The following SNX8 variants were observed in gnomAD, a reference collection of about 807,000 sequenced individuals.
The protein encoded by SNX8 is sorting nexin 8.
In SNX8, 25 loss-of-function variants were observed where a neutral mutation model predicts 51.6. The ratio of observed to expected loss-of-function variants is 0.48; its 90% confidence interval spans 0.35 to 0.68. SNX8 has a LOEUF of 0.68. SNX8 is among the 30% of genes least tolerant of loss of function. SNX8 has a pLI of 0.00. For missense variants in SNX8, 695 were observed against 624.0 expected (o/e 1.11, Z -1.21); for synonymous variants, 324 against 277.0 (o/e 1.17, Z -1.68).
At chr7:2,274,101 G>A (rs564604655) in intron 3 of SNX8, among the ~76,000 whole-genome samples, 4 of 152,324 alleles carry the variant, frequency 2.6e-5, no homozygotes, top group African/African-American at 7.2e-5. Flanking sequence ...GCCCAGGCCT[G>A]AGCCAGCATC....
At chr7:2,349,931 G>A (rs1341377732) in intron 1 of SNX8, among the ~76,000 whole-genome samples, 1 of 152,040 alleles carries the variant, frequency 6.6e-6, no homozygotes, top group East Asian at 1.9e-4. Context: ...CAGAGTCTCA[G>A]TCCTCTCCAG....
At chr7:2,311,068 T>A (rs55965608) in intron 1 of SNX8, among the ~76,000 whole-genome samples, 2,372 of 152,310 alleles carry the variant, frequency 0.016, 55 homozygotes, top group African/African-American at 0.054. Flanking sequence ...TAAGTTTTTA[T>A]AAAGAGGGTT....
chr7:2,345,699 G>A (rs984145249), intron 1 of SNX8, among the ~76,000 whole-genome samples: 2 of 151,740 alleles, frequency 1.3e-5, no homozygotes, highest in Non-Finnish European at 2.9e-5. Flanking sequence ...AAAAGAAGAA[G>A]AAATGTGAAT....
intron 1 of SNX8, among the ~76,000 whole-genome samples, chr7:2,296,966 T>G (rs775452700): frequency 6.6e-6 from 1 of 151,652 alleles, no homozygotes; most frequent in Non-Finnish European, 1.5e-5. Flanking sequence ...GGCCAAAAAA[T>G]ATATGCAAAA....
chr7:2,284,538 G>A (rs1042744491), intron 1 of SNX8, among the ~76,000 whole-genome samples: 1 of 151,134 alleles, frequency 6.6e-6, no homozygotes, highest in Non-Finnish European at 1.5e-5. Context: ...CTGAGTAGCA[G>A]GGACTACAGG....
chr7:2,300,991 T>G (rs932621368), intron 1 of SNX8, among the ~76,000 whole-genome samples: 6 of 152,128 alleles, frequency 3.9e-5, no homozygotes, highest in African/African-American at 1.2e-4. Flanking sequence ...GTAACCATTC[T>G]CCCACAAAAT....
At chr7:2,322,423 C>T (rs546028982) in intron 1 of SNX8, among the ~76,000 whole-genome samples, 12 of 151,860 alleles carry the variant, frequency 7.9e-5, no homozygotes, top group South Asian at 4.2e-4. Flanking sequence ...GGCTGGGCGC[C>T]GTGGCTCACA....
chr7:2,302,579 G>A (rs187164836), intron 1 of SNX8, among the ~76,000 whole-genome samples: 3,755 of 149,904 alleles, frequency 0.025, 52 homozygotes, highest in Non-Finnish European at 0.041. Flanking sequence ...TGGGATGTGA[G>A]GAGCCCTTCT....
At chr7:2,314,523 C>T (rs946362827), upstream of SNX8, 1 of 1,084,962 alleles carries the variant, frequency 9.2e-7, no homozygotes, top group Non-Finnish European at 1.1e-6. Flanking sequence ...GTCACGCCCC[C>T]TCCCCCGCGC....
upstream of SNX8, among the ~76,000 whole-genome samples, chr7:2,317,035 G>A (rs143604227): frequency 2.0e-5 from 3 of 152,232 alleles, no homozygotes; most frequent in Admixed American, 6.5e-5. Flanking sequence ...GGTGAAGGGC[G>A]ATCCCTTCCC....
chr7:2,306,905 T>C (rs1190545232), intron 1 of SNX8, among the ~76,000 whole-genome samples: 1 of 152,120 alleles, frequency 6.6e-6, no homozygotes, highest in Non-Finnish European at 1.5e-5. Flanking sequence ...TCCTGGAAAA[T>C]AACGTAACTG....
At chr7:2,346,242 A>C (rs552794471) in intron 1 of SNX8, among the ~76,000 whole-genome samples, 20 of 57,496 alleles carry the variant, frequency 3.5e-4, no homozygotes, top group Admixed American at 2.5e-3. Context: ...ACTTGAGCCC[A>C]GAAGTTTGAG....
chr7:2,275,861 G>C (rs541440735), intron 2 of SNX8, among the ~76,000 whole-genome samples: 1 of 152,184 alleles, frequency 6.6e-6, no homozygotes, highest in Non-Finnish European at 1.5e-5. Flanking sequence ...AGCCGGGCGT[G>C]GTGGTGGGCA....
In SNX8 at chr7:2,255,152, G is replaced by C. The variant is rs373187532; in HGVS notation, c.1302C>G (p.Asn434Lys). Residue 434 changes from asparagine (N) to lysine (K), a missense_variant, in exon 11 of 11, where the codon AAC becomes AAG. Asn to Lys is a moderately conservative substitution (Grantham distance 94). Transcript: ENST00000222990. The part of the protein sequence containing the change: ...QGHKEMSKVW[N>K]DLRPKLSCLF... ...GGCAGCTGAGCTTGGGCCTCAGGTC[G>C]TTCCACACCTTGCTCATCTGAAAGG... 6.4e-7 allele frequency: 1 copy of C among 1,557,382 alleles called. No homozygotes were observed. Among genetic ancestry groups the C allele is most frequent in the South Asian group, 1.2e-5 (1 of 84,560 alleles).
At chr7:2,255,890 A>G (rs1795165565) in intron 10 of SNX8, among the ~76,000 whole-genome samples, 1 of 152,220 alleles carries the variant, frequency 6.6e-6, no homozygotes, top group African/African-American at 2.4e-5. Flanking sequence ...CCTGCCGTGC[A>G]GGGGCTCAGG....
At chr7:2,274,779 GC>G (rs1473974585) in intron 3 of SNX8, among the ~76,000 whole-genome samples, 2 of 152,226 alleles carry the variant, frequency 1.3e-5, no homozygotes, top group Non-Finnish European at 2.9e-5. Flanking sequence ...GCTCCTGGCA[GC>G]CCTCTCGGGA....
chr7:2,347,808 G>A (rs759450647), intron 1 of SNX8, among the ~76,000 whole-genome samples: 3 of 151,898 alleles, frequency 2.0e-5, no homozygotes, highest in African/African-American at 4.8e-5. Flanking sequence ...ACCACAGCCA[G>A]CTAAGTTTTG....
intron 1 of SNX8, chr7:2,309,974 G>A (rs1467725870): frequency 4.7e-6 from 2 of 428,606 alleles, no homozygotes; most frequent in African/African-American, 2.1e-5. Flanking sequence ...GGTCAACGCG[G>A]ACAAACAGCA....
At chr7:2,315,589 A>C (rs1033388687), upstream of SNX8, among the ~76,000 whole-genome samples, 2 of 147,100 alleles carry the variant, frequency 1.4e-5, no homozygotes, top group African/African-American at 5.1e-5. Context: ...GCATTCATTC[A>C]TCCATTCACT....
Sources: gnomAD v4.1 joint callset for allele counts (sites outside exome capture counted in the v4.1 genomes callset) on GRCh38, gnomAD v4.1.1 for gene constraint, MANE v1.5 for transcripts, NCBI Gene and HGNC (gene_info 2026-07-23, HGNC 2026-07-21) for gene names.